TEX15: variants seen among roughly 807,000 people sequenced by gnomAD.
The protein encoded by TEX15 is testis-expressed protein 15.
TEX15 carries 171 observed loss-of-function variants against 237.3 expected under a neutral mutation model. The ratio of observed to expected loss-of-function variants is 0.72; its 90% CI spans 0.64 to 0.82. The LOEUF (loss-of-function observed/expected upper bound fraction) is 0.82, where lower values mean the gene tolerates loss of function less well. TEX15 is among the 40% of genes least tolerant of loss of function. The pLI is 0.00. For missense variants in TEX15, 3,750 were observed against 3,646.5 expected (o/e 1.03, Z -0.73); for synonymous variants, 1,338 against 1,269.8 (o/e 1.05, Z -1.14).
In TEX15 at chr8:30,844,309, A is replaced by G; in HGVS notation, c.5858T>C (p.Leu1953Pro). Residue 1953 changes from leucine to proline, a missense_variant, in exon 8 of 11, where the codon CTA becomes CCA. Transcript: ENST00000643185. The stretch of plus-strand genomic sequence containing the variant: ...TAAAATAGGCGTATGATTAACTCCT[A>G]GAATTCCTGGTTTGGAAATATAGGC... The part of the protein sequence containing the change: ...EIAYISKPGI[L>P]GVNHTPILPA... 2 of 1,613,416 alleles carry G rather than the reference A, an allele frequency of 1.2e-6. No homozygotes were observed. The highest frequency in any genetic ancestry group is 1.7e-6 in the Non-Finnish European group (2 of 1,179,544).
Position 30,847,749 on chromosome 8 carries a change from G to A in TEX15, c.2418C>T (p.Val806=). The change falls in exon 8 of 11, where the codon GTC becomes GTT. Residue 806 remains valine, a synonymous_variant. Coordinates refer to ENST00000643185, the MANE Select transcript of TEX15 (RefSeq NM_001350162.2). ...CTGGTTCATTTTCATTTTTCCTATG[G>A]ACACATATATGTTCTCTAGTTATGC... ...NCSITREHIC[V]HRKNENEPVS... 6.2e-7 allele frequency: 1 copy of A among 1,613,536 alleles called. No individual in the cohort carries two copies. The highest frequency in any genetic ancestry group is 8.5e-7 in the Non-Finnish European group (1 of 1,179,872).
chr8:30,860,757 C>T (rs537058300), intron 5 of TEX15, among the ~76,000 whole-genome samples: 1 of 151,810 alleles, frequency 6.6e-6, no homozygotes, highest in Admixed American at 6.6e-5. Flanking sequence ...GCCATGTTGG[C>T]CAGGCTGGGC....
rs761407869 is a variant in TEX15 at position 30,848,791 on chromosome 8, T to C, written c.1376A>G (p.Glu459Gly). 4.3e-6 allele frequency: 7 copies of C among 1,614,198 alleles called. No individual in the cohort carries two copies. Among genetic ancestry groups the C allele is most frequent in the East Asian group, 2.2e-5 (1 of 44,880 alleles). ...TAGLNEVLQFEKSSDNVNSEI... is the reference protein window; with the variant it reads ...TAGLNEVLQFGKSSDNVNSEI... ...TGAATTAACATTATCTGAACTCTTC[T>C]CAAATTGCAAAACCTCATTTAAGCC... The change falls in exon 8 of 11, where the codon GAG (glutamate) becomes GGG (glycine). Residue 459 changes from glutamate to glycine, a missense_variant. Physicochemically the swap from Glu to Gly is moderately conservative, Grantham distance 98. Coordinates refer to ENST00000643185, the MANE Select transcript of TEX15 (RefSeq NM_001350162.2).
At position 30,846,148 on chromosome 8, in the gene TEX15, G is replaced by A; in HGVS notation, c.4019C>T (p.Ser1340Phe). ...TTTAATTCGTCCTTGGGATAATGAA[G>A]AGAAACACTCAGATGAGTCTTGACT... ...LTSQDSSECF[S>F]SLSQGRIKTF... is the part of the protein sequence containing the mutation. Residue 1340 changes from serine (S) to phenylalanine (F), a missense_variant, in exon 8 of 11, where the codon TCT becomes TTT. Physicochemically the swap from Ser to Phe is radical, Grantham distance 155 (BLOSUM62 -2). Coordinates refer to ENST00000643185, the MANE Select transcript of TEX15 (RefSeq NM_001350162.2). 1.2e-6 allele frequency: 2 copies of A among 1,613,490 alleles called. No homozygotes were observed. Among genetic ancestry groups the A allele is most frequent in the Non-Finnish European group, 1.7e-6 (2 of 1,179,628 alleles).
chr8:30,841,431 T>C (rs969508190), intron 8 of TEX15, among the ~76,000 whole-genome samples: 1 of 152,166 alleles, frequency 6.6e-6, no homozygotes, highest in South Asian at 2.1e-4. Context: ...AGTAAGATAA[T>C]AGGAAATACA....
intron 5 of TEX15, 107 bp downstream of exon 5, chr8:30,867,158 T>C: frequency 2.2e-6 from 1 of 445,038 alleles, no homozygotes; most frequent in Non-Finnish European, 3.9e-6. Context: ...ACTTATTTAA[T>C]AGACTGCAGT....
At position 30,842,911 on chromosome 8, in the gene TEX15, G is replaced by T; in HGVS notation, c.7256C>A (p.Thr2419Lys). ...QDNNMDNIFI[T>K]EENVLDVVIN... The stretch of plus-strand genomic sequence containing the variant: ...CACCACGTCTAAAACATTTTCTTCT[G>T]TGATAAAAATATTATCCATGTTATT... The change falls in exon 8 of 11, where the codon ACA becomes AAA. Residue 2419 changes from threonine to lysine, a missense_variant. By Grantham distance (78) the Thr-to-Lys change is moderately conservative. Coordinates refer to ENST00000643185, the MANE Select transcript of TEX15 (RefSeq NM_001350162.2). The T allele has an allele frequency of 6.2e-7, 1 of 1,608,878 alleles. No homozygotes were observed. The highest frequency in any genetic ancestry group is 8.5e-7 in the Non-Finnish European group (1 of 1,177,188).
intron 10 of TEX15, among the ~76,000 whole-genome samples, chr8:30,833,970 C>G (rs573202580): frequency 6.6e-6 from 1 of 152,130 alleles, no homozygotes; most frequent in South Asian, 2.1e-4. Flanking sequence ...CTATTAAGAA[C>G]AAAAGAAAGC....
intron 3 of TEX15, among the ~76,000 whole-genome samples, chr8:30,886,236 G>A (rs913907610): frequency 6.6e-6 from 1 of 152,194 alleles, no homozygotes; most frequent in African/African-American, 2.4e-5. Context: ...AACAATGGCT[G>A]GCAGGGAAAG....
At chr8:30,885,480 A>G (rs1808627373) in intron 3 of TEX15, among the ~76,000 whole-genome samples, 1 of 152,130 alleles carries the variant, frequency 6.6e-6, no homozygotes, top group Non-Finnish European at 1.5e-5. Flanking sequence ...GCCACGTGGA[A>G]CTGTAAGTCC....
chr8:30,893,512 T>C (rs1323575902), intron 2 of TEX15, among the ~76,000 whole-genome samples: 1 of 145,918 alleles, frequency 6.9e-6, no homozygotes, highest in East Asian at 1.9e-4. Flanking sequence ...ATATAACTGA[T>C]AATGACAGGT....
rs1807475689 is a variant in TEX15, at chr8:30,842,269, G to C, written c.7898C>G (p.Thr2633Ser). 6.2e-7 allele frequency: 1 copy of C among 1,613,682 alleles called. No individual in the cohort carries two copies. Among genetic ancestry groups the C allele is most frequent in the East Asian group, 2.2e-5 (1 of 44,824 alleles). Reference protein sequence around the residue: ...KMICTKNAELTISFFLCQMLY... With the variant: ...KMICTKNAELSISFFLCQMLY... The stretch of plus-strand genomic sequence containing the variant: ...CATTTGGCATAGGAAAAAGGAAATG[G>C]TTAGTTCAGCATTTTTAGTACATAT... Residue 2633 changes from threonine to serine, a missense_variant, in exon 8 of 11, where the codon ACC (threonine) becomes AGC (serine). Coordinates refer to ENST00000643185, the MANE Select transcript of TEX15 (RefSeq NM_001350162.2).
rs576174730 is a variant in TEX15 at position 30,909,955 on chromosome 8, T to A, written c.-86+2924A>T. Among the ~76,000 whole-genome samples, 3 of 152,258 alleles carry A rather than the reference T, an allele frequency of 2.0e-5. No homozygotes were observed. In the South Asian group the frequency reaches 6.2e-4, roughly 32 times the overall value. On this transcript the variant is annotated intron_variant, in intron 1 of 10. Coordinates refer to ENST00000643185, the MANE Select transcript of TEX15 (RefSeq NM_001350162.2). ...CCATTAGACCTAACAGGATAACATGTAGGCACTTCAAATCCCCTCTATCAT... is the reference window on the plus strand; with the variant it reads ...CCATTAGACCTAACAGGATAACATGAAGGCACTTCAAATCCCCTCTATCAT...
At position 30,843,072 on chromosome 8, in the gene TEX15, T is replaced by G; in HGVS notation, c.7095A>C (p.Ala2365=). The G allele has an allele frequency of 6.2e-7, 1 of 1,613,410 alleles. No individual in the cohort carries two copies. The highest frequency in any genetic ancestry group is 1.1e-5 in the South Asian group (1 of 90,900). The change falls in exon 8 of 11, where the codon GCA becomes GCC. Residue 2365 remains alanine, a synonymous_variant. Transcript: ENST00000643185. ...ENSKFNSNLL[A]HPDICCISEI... is the part of the protein sequence containing the mutation. ...CACTAATACAACAAATATCTGGGTGTGCAAGCAAATTACTGTTAAATTTAG... is the reference window on the plus strand; with the variant it reads ...CACTAATACAACAAATATCTGGGTGGGCAAGCAAATTACTGTTAAATTTAG...
intron 5 of TEX15, among the ~76,000 whole-genome samples, chr8:30,863,818 A>G (rs1054557169): frequency 5.9e-5 from 9 of 152,182 alleles, no homozygotes; most frequent in Non-Finnish European, 1.3e-4. Flanking sequence ...ACAACAATCA[A>G]AAAACAGAAA....
chr8:30,846,127 A>G lies in TEX15; in HGVS notation c.4040T>C (p.Ile1347Thr), dbSNP rs768616546. 1.9e-6 allele frequency: 3 copies of G among 1,613,528 alleles called. No homozygotes were observed. Among genetic ancestry groups the G allele is most frequent in the Admixed American group, 3.3e-5 (2 of 59,990 alleles). Residue 1347 changes from isoleucine (I) to threonine (T), a missense_variant, in exon 8 of 11, where the codon ATT becomes ACT. Physicochemically the swap from Ile to Thr is moderately conservative, Grantham distance 89. Coordinates refer to ENST00000643185, the MANE Select transcript of TEX15 (RefSeq NM_001350162.2). ...ECFSSLSQGR[I>T]KTFSQSEKHI... ...CTTTTCTGACTGTGAAAATGTTTTA[A>G]TTCGTCCTTGGGATAATGAAGAGAA...
chr8:30,887,358 A>G (rs1305700527), intron 2 of TEX15, 47 bp from the exon 3 acceptor site: 2 of 1,458,490 alleles, frequency 1.4e-6, no homozygotes, highest in African/African-American at 2.9e-5. Context: ...ATAAATACAT[A>G]AAAGGCAATG....
At position 30,849,251 on chromosome 8, in the gene TEX15, C is replaced by T. The variant is rs1807711038; in HGVS notation, c.916G>A (p.Val306Ile). ...GGTTTCTTGAAATGCACAAAGGTGA[C>T]AGTAGCATCTTTTCCTTTTCCAAAT... ...KRFGKGKDAT[V>I]TFVHFKKPVD... Residue 306 changes from valine to isoleucine, a missense_variant, in exon 8 of 11, where the codon GTC (valine) becomes ATC (isoleucine). Coordinates refer to ENST00000643185, the MANE Select transcript of TEX15 (RefSeq NM_001350162.2). The T allele has an allele frequency of 2.6e-6, 4 of 1,535,764 alleles. No individual in the cohort carries two copies. Among genetic ancestry groups the T allele is most frequent in the Middle Eastern group, 1.7e-4 (1 of 5,986 alleles).
chr8:30,862,359 A>G (rs954835339), intron 5 of TEX15, among the ~76,000 whole-genome samples: 1 of 152,202 alleles, frequency 6.6e-6, no homozygotes. Context: ...GGATATTACA[A>G]AATAATATTT....
Sources: gnomAD v4.1 joint callset for allele counts (sites outside exome capture counted in the v4.1 genomes callset) on GRCh38, gnomAD v4.1.1 for gene constraint, MANE v1.5 for transcripts, NCBI Gene and HGNC (gene_info 2026-07-23, HGNC 2026-07-21) for gene names.